Variants in DIS3L2 observed in about 807,000 individuals in gnomAD.
The protein encoded by DIS3L2 is DIS3 like 3'-5' exoribonuclease 2, also known as DIS3-like exonuclease 2.
DIS3L2 carries 34 observed loss-of-function variants against 97.5 expected under a neutral mutation model. The ratio of observed to expected loss-of-function variants is 0.35; its 90% CI spans 0.27 to 0.46. The LOEUF is 0.46. DIS3L2 is among the 20% of genes least tolerant of loss of function. The pLI is 1.00. For missense variants in DIS3L2, 1,038 were observed against 1,146.0 expected (o/e 0.91, Z 1.36); for synonymous variants, 435 against 445.2 (o/e 0.98, Z 0.29).
chr2:232,330,730 T>C lies in DIS3L2; in HGVS notation c.1964T>C (p.Leu655Pro). The C allele has an allele frequency of 6.2e-7, 1 of 1,613,772 alleles. No homozygotes were observed. Among genetic ancestry groups the C allele is most frequent in the Middle Eastern group, 1.6e-4 (1 of 6,062 alleles). ...TQTFGDDKYS[L>P]ARKEVLTNMC... ...ACATTTGGAGATGACAAGTACTCAC[T>C]GGCCCGCAAGGAGGTGCTCACCAAC... The change falls in exon 16 of 21, where the codon CTG (leucine) becomes CCG (proline). Residue 655 changes from leucine to proline, a missense_variant. Coordinates refer to ENST00000325385, the MANE Select transcript of DIS3L2 (RefSeq NM_152383.5).
At chr2:232,123,051 C>T (rs550225193) in intron 6 of DIS3L2, among the ~76,000 whole-genome samples, 1 of 152,156 alleles carries the variant, frequency 6.6e-6, no homozygotes, top group Admixed American at 6.5e-5. Flanking sequence ...AATTTAAAAC[C>T]CATCACTGTC....
intron 13 of DIS3L2, among the ~76,000 whole-genome samples, chr2:232,267,032 A>G (rs1157143435): frequency 6.6e-6 from 1 of 152,170 alleles, no homozygotes; most frequent in Non-Finnish European, 1.5e-5. Context: ...GGGACCTACT[A>G]GTTCAGAAGT....
At chr2:232,210,255 A>G (rs1234892382) in intron 9 of DIS3L2, 71 bp from the exon 10 acceptor site, 3 of 1,216,986 alleles carry the variant, frequency 2.5e-6, no homozygotes, top group Non-Finnish European at 3.7e-6. Flanking sequence ...CTGTTCTTTA[A>G]AGCTGTACTA....
intron 13 of DIS3L2, among the ~76,000 whole-genome samples, chr2:232,286,255 G>A (rs1168979779): frequency 6.6e-6 from 1 of 152,266 alleles, no homozygotes; most frequent in East Asian, 1.9e-4. Flanking sequence ...AGCGTCACTG[G>A]GTCATAAAAT....
At chr2:232,190,175 A>G (rs1433040632) in intron 9 of DIS3L2, among the ~76,000 whole-genome samples, 1 of 152,186 alleles carries the variant, frequency 6.6e-6, no homozygotes, top group Non-Finnish European at 1.5e-5. Flanking sequence ...CAAAAAATTA[A>G]AAATAAAATT....
chr2:232,329,785 T>TCCCCGGGGGGGGGCCC, intron 14 of DIS3L2, 28 bp from the exon 15 acceptor site: 74 of 967,072 alleles, frequency 7.7e-5, no homozygotes, highest in Non-Finnish European at 8.2e-5. Context: ...ACCCCAGCGG[T>TCCCCGGGGGGGGGCCC]CCCTCCCATC....
rs1013987536 is a variant in DIS3L2, at chr2:231,961,986, C to T, written c.-94+221C>T. 7.2e-5 allele frequency among the ~76,000 whole-genome samples: 11 copies of T among 152,348 alleles called. 1 individual carries two copies. The South Asian group carries it at 2.1e-3, about 29-fold the overall frequency. ...GTCCCCAGCTCCCCACTCTCCGCTCCTGACCGACCCGGCCTCCCAGGCCGC... is the reference window on the plus strand; with the variant it reads ...GTCCCCAGCTCCCCACTCTCCGCTCTTGACCGACCCGGCCTCCCAGGCCGC... On this transcript the variant is annotated intron_variant, in intron 1 of 20. Transcript: ENST00000325385.
chr2:232,343,680 G>T (rs777048697), exon 14 of DIS3L2: 29 of 1,251,646 alleles, frequency 2.3e-5, no homozygotes, highest in Admixed American at 7.1e-5. Context: ...AGTAGAAAAG[G>T]AGCTGGATGT....
chr2:231,964,622 G>A (rs936226630), intron 1 of DIS3L2, among the ~76,000 whole-genome samples: 5 of 152,152 alleles, frequency 3.3e-5, no homozygotes, highest in East Asian at 1.9e-4. Flanking sequence ...CGTGTGAACC[G>A]TTTTTGGAAA....
chr2:232,221,823 C>T (rs1411011297), intron 10 of DIS3L2, among the ~76,000 whole-genome samples: 1 of 152,046 alleles, frequency 6.6e-6, no homozygotes, highest in Admixed American at 6.6e-5. Context: ...AGAAAAATTC[C>T]ACTTCAGGGC....
At chr2:232,153,570 GC>G (rs1690381469) in intron 8 of DIS3L2, among the ~76,000 whole-genome samples, 1 of 70,080 alleles carries the variant, frequency 1.4e-5, no homozygotes, top group African/African-American at 6.4e-5. Context: ...CGAGAGATCC[GC>G]TGTTAGTCTG....
chr2:232,002,732 T>C (rs1693944458), intron 1 of DIS3L2, among the ~76,000 whole-genome samples: 2 of 152,200 alleles, frequency 1.3e-5, no homozygotes, highest in African/African-American at 4.8e-5. Flanking sequence ...CATCCATTTC[T>C]TTTACCTAGT....
chr2:232,014,512 A>C (rs926145045), intron 1 of DIS3L2, among the ~76,000 whole-genome samples: 4 of 152,196 alleles, frequency 2.6e-5, no homozygotes, highest in African/African-American at 9.7e-5. Flanking sequence ...TCACTTTTCA[A>C]AACTATATTT....
At chr2:232,283,209 C>T (rs761688872) in intron 13 of DIS3L2, among the ~76,000 whole-genome samples, 1 of 152,206 alleles carries the variant, frequency 6.6e-6, no homozygotes, top group Non-Finnish European at 1.5e-5. Flanking sequence ...GAGACTTGAG[C>T]TTAAACACTT....
chr2:231,973,145 C>G (rs973567736), intron 1 of DIS3L2, among the ~76,000 whole-genome samples: 1 of 152,180 alleles, frequency 6.6e-6, no homozygotes, highest in Non-Finnish European at 1.5e-5. Flanking sequence ...TCCATCTGGT[C>G]TCAAGTTTTC....
intron 12 of DIS3L2, among the ~76,000 whole-genome samples, chr2:232,261,233 C>A (rs571639651): frequency 6.6e-6 from 1 of 152,174 alleles, no homozygotes; most frequent in Non-Finnish European, 1.5e-5. Context: ...CCCCACCAGG[C>A]TGGGCTTCCT....
intron 6 of DIS3L2, among the ~76,000 whole-genome samples, chr2:232,125,655 T>A (rs1373961619): frequency 6.6e-6 from 1 of 152,092 alleles, no homozygotes. Flanking sequence ...TATATCAGAG[T>A]GAAATTTGCT....
At chr2:231,997,295 GCTGTTGT>G (rs1206747261) in intron 1 of DIS3L2, among the ~76,000 whole-genome samples, 2 of 152,118 alleles carry the variant, frequency 1.3e-5, no homozygotes, top group African/African-American at 2.4e-5. Flanking sequence ...AAAGTGCTGG[GCTGTTGT>G]CCCTTTCAGG....
intron 6 of DIS3L2, among the ~76,000 whole-genome samples, chr2:232,096,054 G>C (rs1696999953): frequency 2.0e-5 from 3 of 146,352 alleles, no homozygotes; most frequent in Non-Finnish European, 4.5e-5. Flanking sequence ...TGACCTTTAG[G>C]AGTTTGATTA....
Sources: gnomAD v4.1 joint callset for allele counts (sites outside exome capture counted in the v4.1 genomes callset) on GRCh38, gnomAD v4.1.1 for gene constraint, MANE v1.5 for transcripts, NCBI Gene and HGNC (gene_info 2026-07-23, HGNC 2026-07-21) for gene names.